The following KALRN variants were observed in gnomAD, a reference collection of about 807,000 sequenced individuals.
KALRN encodes the protein kalirin RhoGEF kinase.
KALRN carries 70 observed loss-of-function variants against 353.7 expected under a neutral mutation model. That is an observed-to-expected ratio of 0.20 (90% CI 0.16 to 0.24). The LOEUF (loss-of-function observed/expected upper bound fraction) is 0.24. Ranked by LOEUF, KALRN falls within the 10% of genes least tolerant of loss-of-function variation. The pLI is 1.00. For missense variants in KALRN, 2,791 were observed against 3,756.7 expected, an observed-to-expected ratio of 0.74 and a Z score of 6.72; for synonymous variants, 1,391 against 1,434.8, an observed-to-expected ratio of 0.97 and a Z score of 0.69.
intron 1 of KALRN, among the ~76,000 whole-genome samples, chr3:124,037,927 G>T (rs572764716): frequency 6.6e-5 from 10 of 152,126 alleles, no homozygotes; most frequent in Admixed American, 5.2e-4. Context: ...GCATGGGGGG[G>T]GCGACTCAGG....
intron 22 of KALRN, 131 bp downstream of exon 22, chr3:124,455,490 A>G (rs4677927): frequency 1.2e-6 from 1 of 866,430 alleles, no homozygotes; most frequent in East Asian, 2.7e-5. Flanking sequence ...AGAGCGCTTG[A>G]CTTGTGTGGC....
At chr3:124,123,587 G>A (rs1338087113) in intron 1 of KALRN, among the ~76,000 whole-genome samples, 1 of 152,224 alleles carries the variant, frequency 6.6e-6, no homozygotes, top group Non-Finnish European at 1.5e-5. Context: ...AAAAACTGAA[G>A]CAAGTTATCT....
At chr3:124,444,922 G>A (rs996501385) in intron 19 of KALRN, among the ~76,000 whole-genome samples, 3 of 152,120 alleles carry the variant, frequency 2.0e-5, no homozygotes, top group African/African-American at 7.2e-5. Context: ...GGGGAGGTGA[G>A]AATGAAGGAG....
chr3:124,466,856 G>A (rs964797574), intron 25 of KALRN, among the ~76,000 whole-genome samples: 2 of 152,170 alleles, frequency 1.3e-5, no homozygotes. Context: ...CATCTGGCTG[G>A]TTTAATTCAT....
intron 33 of KALRN, among the ~76,000 whole-genome samples, chr3:124,551,497 T>A (rs538236600): frequency 6.6e-5 from 10 of 152,264 alleles, no homozygotes; most frequent in African/African-American, 2.4e-4. Context: ...ATGTTGGTGG[T>A]GCTCAGCAAC....
chr3:124,116,455 ATAAGT>A (rs776576696), intron 1 of KALRN, among the ~76,000 whole-genome samples: 15 of 152,348 alleles, frequency 9.8e-5, no homozygotes, highest in African/African-American at 2.2e-4. Context: ...TGAGGCTGAA[ATAAGT>A]TAAGTGACTT....
chr3:124,693,824 C>A lies in KALRN; in HGVS notation c.7398C>A (p.Ile2466=). ...TTCAGATCTTAAATCCAAATTTCATCCAAGAAGGTGAGTTAAAAAGCATTA... is the reference window on the plus strand; with the variant it reads ...TTCAGATCTTAAATCCAAATTTCATACAAGAAGGTGAGTTAAAAAGCATTA... ...TSMEILNPNF[I]QEVAPEFLVP... is the part of the protein sequence containing the mutation. Residue 2466 remains isoleucine, a synonymous_variant, in exon 52 of 60, where the codon ATC becomes ATA. Transcript: ENST00000682506. The A allele has an allele frequency of 6.4e-7, 1 of 1,571,008 alleles. No homozygotes were observed. The highest frequency in any genetic ancestry group is 8.7e-7 in the Non-Finnish European group (1 of 1,149,708).
intron 9 of KALRN, among the ~76,000 whole-genome samples, chr3:124,335,024 A>T (rs1353840624): frequency 1.3e-5 from 2 of 152,080 alleles, no homozygotes; most frequent in Non-Finnish European, 2.9e-5. Context: ...TGAACTCCTG[A>T]CTTCAGGTGA....
At chr3:124,518,852 A>T (rs755045675) in intron 33 of KALRN, 13 of 1,057,506 alleles carry the variant, frequency 1.2e-5, no homozygotes, top group Non-Finnish European at 1.5e-5. Flanking sequence ...AATTAGAGGG[A>T]CACACTTATC....
Position 124,291,394 on chromosome 3 carries a change from T to C in KALRN, c.970-7397T>C, listed in dbSNP as rs1174839847. Among the ~76,000 whole-genome samples the C allele has an allele frequency of 3.3e-5, 5 of 152,114 alleles. No homozygotes were observed. In the East Asian group the frequency reaches 9.6e-4, roughly 29 times the overall value. The stretch of plus-strand genomic sequence containing the variant: ...GAAGCAGGGGATTTTTTTTTTACCA[T>C]AAGAAACATGATTTAGCAACATGTT... On this transcript the variant is annotated intron_variant, in intron 5 of 59. Coordinates refer to ENST00000682506, the MANE Select transcript of KALRN (RefSeq NM_001388419.1).
intron 33 of KALRN, among the ~76,000 whole-genome samples, chr3:124,538,259 T>TG (rs1201215280): frequency 7.4e-5 from 9 of 121,690 alleles, no homozygotes; most frequent in African/African-American, 1.1e-4. Context: ...TGTGTGTGTG[T>TG]TTGTGTGTGT....
At chr3:124,266,598 G>A (rs2073583607) in intron 4 of KALRN, among the ~76,000 whole-genome samples, 1 of 152,178 alleles carries the variant, frequency 6.6e-6, no homozygotes, top group Non-Finnish European at 1.5e-5. Context: ...AAATGTGTGT[G>A]TGTTGAAAAC....
chr3:124,406,832 C>CTTT (rs10686645), intron 13 of KALRN, among the ~76,000 whole-genome samples: 67,356 of 125,990 alleles, frequency 0.53, 20,051 homozygotes, highest in East Asian at 0.68. Context: ...AGTTGCTTTG[C>CTTT]TTTTTTTTTT....
intron 34 of KALRN, among the ~76,000 whole-genome samples, chr3:124,623,421 C>A (rs1163494873): frequency 7.4e-5 from 11 of 148,954 alleles, no homozygotes; most frequent in Admixed American, 3.4e-4. Context: ...CACACACACA[C>A]ACACACAAAA....
At chr3:124,382,233 C>T (rs751283825) in intron 10 of KALRN, among the ~76,000 whole-genome samples, 7 of 152,038 alleles carry the variant, frequency 4.6e-5, no homozygotes, top group Non-Finnish European at 8.8e-5. Context: ...TTGTCATGTG[C>T]GAAATATTTA....
At chr3:124,181,746 G>T (rs916189416) in intron 1 of KALRN, among the ~76,000 whole-genome samples, 1 of 152,194 alleles carries the variant, frequency 6.6e-6, no homozygotes, top group Non-Finnish European at 1.5e-5. Flanking sequence ...GCCTAGGATA[G>T]ATATGAATGT....
chr3:124,473,579 T>A (rs185020375), intron 25 of KALRN, among the ~76,000 whole-genome samples: 186 of 152,352 alleles, frequency 1.2e-3, no homozygotes, highest in African/African-American at 4.4e-3. Flanking sequence ...TTCTTCCATA[T>A]GAAAACATAG....
intron 34 of KALRN, among the ~76,000 whole-genome samples, chr3:124,619,460 A>AT (rs1426389322): frequency 6.9e-6 from 1 of 145,562 alleles, no homozygotes; most frequent in African/African-American, 2.5e-5. Context: ...GGGTCATGTG[A>AT]TAATTCCTTT....
chr3:124,268,722 G>T (rs768838002), intron 4 of KALRN, 21 bp from the exon 5 acceptor site: 2 of 1,612,138 alleles, frequency 1.2e-6, no homozygotes, highest in Admixed American at 3.3e-5. Flanking sequence ...GAGTATCCTT[G>T]TCTGTGTCTG....
Sources: gnomAD v4.1 joint callset for allele counts (sites outside exome capture counted in the v4.1 genomes callset) on GRCh38, gnomAD v4.1.1 for gene constraint, MANE v1.5 for transcripts, NCBI Gene and HGNC (gene_info 2026-07-23, HGNC 2026-07-21) for gene names.